USP6NL: variants seen among roughly 807,000 people sequenced by gnomAD.
The protein encoded by USP6NL is USP6 N-terminal like.
USP6NL carries 26 observed loss-of-function variants against 61.9 expected under a neutral mutation model. The observed-to-expected ratio is 0.42, with a 90% CI of 0.31 to 0.58. The LOEUF is 0.58. Among genes scored for constraint, USP6NL ranks in the 20% least tolerant of loss-of-function variants. The pLI is 0.16. For missense variants in USP6NL, 1,114 were observed against 1,034.3 expected (o/e 1.08, Z -1.06); for synonymous variants, 432 against 390.1 (o/e 1.11, Z -1.27).
intron 14 of USP6NL, among the ~76,000 whole-genome samples, chr10:11,466,022 G>A (rs1335396839): frequency 1.3e-5 from 2 of 152,174 alleles, no homozygotes; most frequent in East Asian, 3.8e-4. Flanking sequence ...CAAAGCAAAT[G>A]TGGAAGGTAG....
At chr10:11,515,149 C>A (rs924441209) in intron 5 of USP6NL, among the ~76,000 whole-genome samples, 1 of 152,116 alleles carries the variant, frequency 6.6e-6, no homozygotes, top group Admixed American at 6.6e-5. Flanking sequence ...CGTTTTCAAC[C>A]CTGTACAGGA....
Position 11,487,902 on chromosome 10 carries a change from A to G in USP6NL, c.664+1200T>C, listed in dbSNP as rs1833538543. Among the ~76,000 whole-genome samples, 1 of 152,246 alleles carries G rather than the reference A, an allele frequency of 6.6e-6. No homozygotes were observed. Among genetic ancestry groups the G allele is most frequent in the Non-Finnish European group, 1.5e-5 (1 of 68,042 alleles). On this transcript the variant is annotated intron_variant, in intron 10 of 14. Transcript: ENST00000609104. The surrounding 1 kb of genome is among the most constrained non-coding windows in gnomAD (Gnocchi z 4.2). ...GAAAGTCATAATTTTGAAAATATTAAAACAGTACTTTAAATATATAGCAGG... is the reference window on the plus strand; with the variant it reads ...GAAAGTCATAATTTTGAAAATATTAGAACAGTACTTTAAATATATAGCAGG...
intron 1 of USP6NL, among the ~76,000 whole-genome samples, chr10:11,609,255 G>A (rs747991445): frequency 3.4e-4 from 52 of 152,142 alleles, no homozygotes; most frequent in Admixed American, 2.1e-3. Context: ...TAGTAGGAAC[G>A]GGGGTTTCAG....
Position 11,579,859 on chromosome 10 carries a change from C to G in USP6NL, c.4+17772G>C, listed in dbSNP as rs547020986. ...AGCCATGTGGTCACTGTTGTAACTACTCAACTCTATTGTACAATACACAGA... is the reference window on the plus strand; with the variant it reads ...AGCCATGTGGTCACTGTTGTAACTAGTCAACTCTATTGTACAATACACAGA... On this transcript the variant is annotated intron_variant, in intron 2 of 14. Transcript: ENST00000609104. Among the ~76,000 whole-genome samples the G allele has an allele frequency of 4.0e-4, 60 of 151,518 alleles. 1 individual carries two copies. In the South Asian group the frequency reaches 0.01, roughly 26 times the overall value.
rs938594400 is a variant in USP6NL at position 11,600,184 on chromosome 10, T to C, written c.-83-2467A>G. Among the ~76,000 whole-genome samples, 7 of 152,206 alleles carry C rather than the reference T, an allele frequency of 4.6e-5. No individual in the cohort carries two copies. Among genetic ancestry groups the C allele is most frequent in the African/African-American group, 9.7e-5 (4 of 41,448 alleles). The stretch of plus-strand genomic sequence containing the variant: ...ACCCATAATTTCACATCAAATTATA[T>C]TGGGATATTTCTGCAAAAATTGGCC... On this transcript the variant is annotated intron_variant, in intron 1 of 14. Coordinates refer to ENST00000609104, the MANE Select transcript of USP6NL (RefSeq NM_014688.5). This position sits in a 1 kb window ranked among gnomAD's most constrained non-coding sequence, Gnocchi z 4.1.
chr10:11,516,288 T>C (rs1172640989), intron 5 of USP6NL, among the ~76,000 whole-genome samples: 1 of 152,232 alleles, frequency 6.6e-6, no homozygotes, highest in East Asian at 1.9e-4. Flanking sequence ...GACTATGCAC[T>C]AGTGTACAAG....
At chr10:11,610,506 A>G (rs548797710) in intron 1 of USP6NL, among the ~76,000 whole-genome samples, 1 of 152,312 alleles carries the variant, frequency 6.6e-6, no homozygotes, top group Admixed American at 6.5e-5. Flanking sequence ...AACTTTTCTA[A>G]GCTATGAAAT....
intron 2 of USP6NL, among the ~76,000 whole-genome samples, chr10:11,536,194 GC>G (rs1835825159): frequency 6.6e-6 from 1 of 152,202 alleles, no homozygotes; most frequent in Non-Finnish European, 1.5e-5. Context: ...CCCTGGGAAA[GC>G]CTAAGCCACC....
chr10:11,573,981 A>G (rs1468176685), intron 2 of USP6NL: 2 of 252,322 alleles, frequency 7.9e-6, no homozygotes, highest in Non-Finnish European at 1.5e-5. Context: ...ACAAAACAAA[A>G]CAAAATGTGG....
At chr10:11,533,596 C>T (rs1835734570) in intron 2 of USP6NL, among the ~76,000 whole-genome samples, 1 of 152,162 alleles carries the variant, frequency 6.6e-6, no homozygotes, top group Non-Finnish European at 1.5e-5. Flanking sequence ...CTAAGGAAAG[C>T]AGGCAGCCTT....
intron 2 of USP6NL, among the ~76,000 whole-genome samples, chr10:11,584,887 G>A (rs996276129): frequency 2.0e-5 from 3 of 151,888 alleles, no homozygotes; most frequent in Non-Finnish European, 4.4e-5. Context: ...GTAGTGAGCC[G>A]AGATCATGCC....
Position 11,476,588 on chromosome 10 carries a change from A to G in USP6NL, c.1078+5182T>C, listed in dbSNP as rs897386269. On this transcript the variant is annotated intron_variant, in intron 14 of 14. Coordinates refer to ENST00000609104, the MANE Select transcript of USP6NL (RefSeq NM_014688.5). This position sits in a 1 kb window ranked among gnomAD's most constrained non-coding sequence, Gnocchi z 4.3. ...GTGGGCATATGGGTGATCATTTTTAATTTTTACATCATATTTCTCTGTATT... is the reference window on the plus strand; with the variant it reads ...GTGGGCATATGGGTGATCATTTTTAGTTTTTACATCATATTTCTCTGTATT... Among the ~76,000 whole-genome samples, 1 of 152,182 alleles carries G rather than the reference A, an allele frequency of 6.6e-6. No homozygotes were observed. The highest frequency in any genetic ancestry group is 1.5e-5 in the Non-Finnish European group (1 of 68,034).
chr10:11,503,661 T>G (rs1161386996), intron 6 of USP6NL, among the ~76,000 whole-genome samples: 1 of 152,224 alleles, frequency 6.6e-6, no homozygotes, highest in Non-Finnish European at 1.5e-5. Context: ...TAACAACTAT[T>G]AGAAACTACT....
chr10:11,601,953 G>A (rs1838544107), intron 1 of USP6NL, among the ~76,000 whole-genome samples: 1 of 151,712 alleles, frequency 6.6e-6, no homozygotes, highest in Admixed American at 6.6e-5. Context: ...GTTTTTCTAA[G>A]TTGCTATTTA....
At position 11,474,073 on chromosome 10, in the gene USP6NL, A is replaced by T. The variant is rs1316969763; in HGVS notation, c.1078+7697T>A. ...CCAGCTCATGCTTCAGCTGACTGAG[A>T]AAGTACACCCCAAGTTTACCTGGGA... On this transcript the variant is annotated intron_variant, in intron 14 of 14. Coordinates refer to ENST00000609104, the MANE Select transcript of USP6NL (RefSeq NM_014688.5). The surrounding 1 kb of genome is among the most constrained non-coding windows in gnomAD (Gnocchi z 4.9). 6.6e-6 allele frequency among the ~76,000 whole-genome samples: 1 copy of T among 152,206 alleles called. No homozygotes were observed. Among genetic ancestry groups the T allele is most frequent in the Non-Finnish European group, 1.5e-5 (1 of 68,034 alleles).
At position 11,585,634 on chromosome 10, in the gene USP6NL, G is replaced by A. The variant is rs1369782821; in HGVS notation, c.4+11997C>T. On this transcript the variant is annotated intron_variant, in intron 2 of 14. Coordinates refer to ENST00000609104, the MANE Select transcript of USP6NL (RefSeq NM_014688.5). The surrounding 1 kb of genome is among the most constrained non-coding windows in gnomAD (Gnocchi z 4.5). Reference sequence around the variant, plus strand: ...CCGTGATCAAGGACACTGCACTCCAGCCTGGGAAACAGAGTGAGACTCCAT... The same window carrying A: ...CCGTGATCAAGGACACTGCACTCCAACCTGGGAAACAGAGTGAGACTCCAT... 6.6e-6 allele frequency among the ~76,000 whole-genome samples: 1 copy of A among 152,116 alleles called. No homozygotes were observed. Among genetic ancestry groups the A allele is most frequent in the East Asian group, 1.9e-4 (1 of 5,190 alleles).
Position 11,463,618 on chromosome 10 carries a change from T to G in USP6NL, c.1310A>C (p.Glu437Ala), listed in dbSNP as rs757272529. 5 of 1,613,974 alleles carry G rather than the reference T, an allele frequency of 3.1e-6. No individual in the cohort carries two copies. The highest frequency in any genetic ancestry group is 4.2e-6 in the Non-Finnish European group (5 of 1,179,880). ...ATCTTTAAGCTTTTTGCTCTCCTCC[T>G]CCACCGATTTCCGTCTTGGCGGCTG... ...RAQPPRRKSV[E>A]EESKKLKDEA... is the part of the protein sequence containing the mutation. The change falls in exon 15 of 15, where the codon GAG becomes GCG. Residue 437 changes from glutamate (E) to alanine (A), a missense_variant. Transcript: ENST00000609104. This position sits in a 1 kb window ranked among gnomAD's most constrained non-coding sequence, Gnocchi z 6.3.
At position 11,537,831 on chromosome 10, in the gene USP6NL, G is replaced by C. The variant is rs947696446; in HGVS notation, c.5-10264C>G. Among the ~76,000 whole-genome samples the C allele has an allele frequency of 2.0e-5, 3 of 152,066 alleles. No individual in the cohort carries two copies. The highest frequency in any genetic ancestry group is 4.8e-5 in the African/African-American group (2 of 41,382). ...CCACTTGTAATGCTATTGCCCAAAT[G>C]ATTTCCCTTCCCGTCAGCTTCCCAG... On this transcript the variant is annotated intron_variant, in intron 2 of 14. Transcript: ENST00000609104. This position sits in a 1 kb window ranked among gnomAD's most constrained non-coding sequence, Gnocchi z 5.1.
chr10:11,480,700 A>C (rs1302650205), intron 14 of USP6NL, among the ~76,000 whole-genome samples: 1 of 152,182 alleles, frequency 6.6e-6, no homozygotes. Flanking sequence ...GGAAAAATGT[A>C]TTTTCCATGG....
Sources: allele counts gnomAD v4.1 joint callset (sites outside exome capture counted in the v4.1 genomes callset), GRCh38; gene constraint gnomAD v4.1.1; non-coding constraint Gnocchi (gnomAD v3.1); transcripts MANE v1.5; gene names NCBI Gene and HGNC (gene_info 2026-07-23, HGNC 2026-07-21).